DENND1B: variants seen among roughly 807,000 people sequenced by gnomAD.
DENND1B encodes the protein DENN domain-containing protein 1B.
DENND1B carries 59 observed loss-of-function variants against 90.1 expected under a neutral mutation model. The observed-to-expected ratio is 0.65, with a 90% confidence interval of 0.53 to 0.81. The LOEUF is 0.81. DENND1B is among the 40% of genes least tolerant of loss of function. The pLI is 0.00. For synonymous variants in DENND1B, 337 were observed against 324.6 expected (o/e 1.04, Z -0.41); for missense variants, 862 against 912.6 (o/e 0.94, Z 0.71).
chr1:197,569,349 T>A (rs892705286), intron 15 of DENND1B, among the ~76,000 whole-genome samples: 1 of 152,106 alleles, frequency 6.6e-6, no homozygotes, highest in South Asian at 2.1e-4. Context: ...ATAACCATTA[T>A]GGAAAACAGT....
intron 20 of DENND1B, among the ~76,000 whole-genome samples, chr1:197,529,015 T>C (rs1438792908): frequency 6.6e-6 from 1 of 151,928 alleles, no homozygotes; most frequent in Non-Finnish European, 1.5e-5. Context: ...AACATATTTC[T>C]ATTTGTAAAC....
intron 16 of DENND1B, among the ~76,000 whole-genome samples, chr1:197,547,240 C>A (rs1164253365): frequency 6.6e-6 from 1 of 151,186 alleles, no homozygotes; most frequent in Non-Finnish European, 1.5e-5. Flanking sequence ...TGCACTCCAG[C>A]CTGGGAGACA....
chr1:197,555,471 G>A (rs1671636784), intron 15 of DENND1B, among the ~76,000 whole-genome samples: 1 of 151,818 alleles, frequency 6.6e-6, no homozygotes, highest in South Asian at 2.1e-4. Context: ...TCCAACAAAG[G>A]ACTAATATCC....
chr1:197,542,941 A>T (rs542121794), intron 18 of DENND1B, among the ~76,000 whole-genome samples: 103 of 151,128 alleles, frequency 6.8e-4, no homozygotes, highest in East Asian at 1.6e-3. Flanking sequence ...TTATTTATTT[A>T]TTTTTTTCCC....
At chr1:197,674,217 T>G in intron 3 of DENND1B, 48 bp from the exon 4 acceptor site, 1 of 1,423,812 alleles carries the variant, frequency 7.0e-7, no homozygotes, top group Non-Finnish European at 9.6e-7. Flanking sequence ...AGAATATTTT[T>G]TAAGAAGCAG....
intron 5 of DENND1B, among the ~76,000 whole-genome samples, chr1:197,667,078 G>A (rs1370646791): frequency 6.6e-6 from 1 of 150,948 alleles, no homozygotes; most frequent in Non-Finnish European, 1.5e-5. Flanking sequence ...AGGCTACAGT[G>A]AGCAAAGATT....
At chr1:197,744,075 C>T (rs550176513) in intron 2 of DENND1B, among the ~76,000 whole-genome samples, 1 of 152,298 alleles carries the variant, frequency 6.6e-6, no homozygotes, top group Admixed American at 6.5e-5. Context: ...TTATATCCAC[C>T]ACATCTGTGT....
chr1:197,743,848 C>T (rs1663446125), intron 2 of DENND1B, among the ~76,000 whole-genome samples: 1 of 152,150 alleles, frequency 6.6e-6, no homozygotes, highest in South Asian at 2.1e-4. Context: ...TCCTCTCAAA[C>T]CCTTCCCTGC....
chr1:197,675,619 T>C (rs928564878), intron 3 of DENND1B, among the ~76,000 whole-genome samples: 10 of 152,174 alleles, frequency 6.6e-5, no homozygotes, highest in African/African-American at 2.4e-4. Flanking sequence ...AGTTAAATTC[T>C]GTAAACTGAA....
intron 20 of DENND1B, among the ~76,000 whole-genome samples, chr1:197,520,721 C>CA (rs1358240393): frequency 2.0e-5 from 3 of 151,642 alleles, no homozygotes; most frequent in African/African-American, 7.3e-5. Flanking sequence ...CATGAGAAAA[C>CA]AAAATAAGCA....
rs71286564 is a variant in DENND1B at position 197,592,108 on chromosome 1, C to CAAAAA, written c.1047+3095_1047+3099dup. 9.5e-4 allele frequency among the ~76,000 whole-genome samples: 53 copies of CAAAAA among 55,684 alleles called. 1 individual carries two copies. Among genetic ancestry groups the CAAAAA allele is most frequent in the African/African-American group, 1.5e-3 (18 of 12,004 alleles). 36.5% of individuals were successfully genotyped at this position (55,684 alleles called of 152,430 possible). ...TGGGAGACAGAGTGAGATTCCATCT[C>CAAAAA]AAAAAAAAAAAAAAAAAAAAGCATC... On this transcript the variant is annotated intron_variant, in intron 14 of 22. Coordinates refer to ENST00000620048, the MANE Select transcript of DENND1B (RefSeq NM_001195215.2).
intron 15 of DENND1B, 48 bp downstream of exon 15, chr1:197,583,104 A>T: frequency 1.3e-6 from 2 of 1,507,984 alleles, no homozygotes; most frequent in Non-Finnish European, 1.8e-6. Flanking sequence ...AATGTGTAAA[A>T]CTGACAATGT....
Position 197,753,126 on chromosome 1 carries a change from A to G in DENND1B, c.82+19742T>C, listed in dbSNP as rs187126396. On this transcript the variant is annotated intron_variant, in intron 2 of 22. Coordinates refer to ENST00000620048, the MANE Select transcript of DENND1B (RefSeq NM_001195215.2). ...AATAAAGAACATAAAACAAAATTAA[A>G]AGATAAATGTTAAATTGGAAAAATA... 8.3e-4 allele frequency among the ~76,000 whole-genome samples: 125 copies of G among 150,934 alleles called. 1 individual carries two copies. The highest frequency in any genetic ancestry group is 2.9e-3 in the African/African-American group (116 of 40,220).
chr1:197,603,400 T>C (rs1676382254), intron 13 of DENND1B, among the ~76,000 whole-genome samples: 1 of 151,278 alleles, frequency 6.6e-6, no homozygotes, highest in South Asian at 2.1e-4. Context: ...TCTATAGATA[T>C]ACCATTAACA....
intron 15 of DENND1B, among the ~76,000 whole-genome samples, chr1:197,558,002 T>C (rs545376582): frequency 1.3e-5 from 2 of 152,004 alleles, no homozygotes; most frequent in South Asian, 4.1e-4. Flanking sequence ...AACACATATC[T>C]ACAGGTAATT....
chr1:197,750,044 G>A (rs960517466), intron 2 of DENND1B, among the ~76,000 whole-genome samples: 10 of 151,982 alleles, frequency 6.6e-5, no homozygotes, highest in African/African-American at 1.5e-4. Context: ...ATGAGGTCTC[G>A]CTATTTTGGC....
chr1:197,617,919 C>T (rs562674444), intron 10 of DENND1B, among the ~76,000 whole-genome samples, 160 bp from the exon 11 acceptor site: 12 of 151,314 alleles, frequency 7.9e-5, no homozygotes, highest in African/African-American at 2.2e-4. Flanking sequence ...AGTCTTACAT[C>T]TCAGAGGCCC....
intron 2 of DENND1B, chr1:197,735,305 C>A: frequency 8.1e-7 from 1 of 1,234,538 alleles, no homozygotes; most frequent in Non-Finnish European, 1.0e-6. Flanking sequence ...TTCTACTATA[C>A]CTCTGCTTCA....
intron 18 of DENND1B, 88 bp from the exon 19 acceptor site, chr1:197,541,103 T>A (rs957167421): frequency 1.8e-6 from 2 of 1,126,396 alleles, no homozygotes; most frequent in African/African-American, 3.1e-5. Context: ...TAATGACAAT[T>A]ACTAAATATT....
Sources: allele counts gnomAD v4.1 joint callset (sites outside exome capture counted in the v4.1 genomes callset), GRCh38; gene constraint gnomAD v4.1.1; transcripts MANE v1.5; gene names NCBI Gene and HGNC (gene_info 2026-07-23, HGNC 2026-07-21).